DLG2: variants seen among roughly 807,000 people sequenced by gnomAD.
The protein encoded by DLG2 is disks large homolog 2.
DLG2 carries 45 observed loss-of-function variants against 132.5 expected under a neutral mutation model. That is an observed-to-expected ratio of 0.34 (90% CI 0.27 to 0.44). The LOEUF (loss-of-function observed/expected upper bound fraction) is 0.44, where lower values mean the gene tolerates loss of function less well. Ranked by LOEUF, DLG2 falls within the 20% of genes least tolerant of loss-of-function variation. DLG2 has a pLI of 1.00. For missense variants in DLG2, 1,045 were observed against 1,196.9 expected, an observed-to-expected ratio of 0.87 and a Z score of 1.87; for synonymous variants, 424 against 419.6, an observed-to-expected ratio of 1.01 and a Z score of -0.13.
intron 8 of DLG2, among the ~76,000 whole-genome samples, chr11:84,217,747 T>C (rs7926441): frequency 0.087 from 13,168 of 152,220 alleles, 1,809 homozygotes; most frequent in African/African-American, 0.3. Flanking sequence ...CATTGTGAGT[T>C]TTTAAGAGAG....
chr11:84,385,262 C>A (rs1430930436), intron 7 of DLG2, among the ~76,000 whole-genome samples: 5 of 151,998 alleles, frequency 3.3e-5, no homozygotes, highest in African/African-American at 1.2e-4. Context: ...ATCAAAGAGG[C>A]ATACTCTTGT....
Position 83,516,092 on chromosome 11 carries a change from G to A in DLG2, c.2193+16616C>T, listed in dbSNP as rs148626402. 2.7e-3 allele frequency among the ~76,000 whole-genome samples: 407 copies of A among 152,272 alleles called. 6 individuals carry two copies. Among genetic ancestry groups the A allele is most frequent in the African/African-American group, 9.2e-3 (383 of 41,532 alleles). ...TCCTGGATATCCTTGTTAATTTTCTGTCCCTTTGATCTGTCTAATGTTGTC... is the reference window on the plus strand; with the variant it reads ...TCCTGGATATCCTTGTTAATTTTCTATCCCTTTGATCTGTCTAATGTTGTC... On this transcript the variant is annotated intron_variant, in intron 21 of 27. Transcript: ENST00000376104.
At chr11:84,286,605 G>A (rs2097912363) in intron 7 of DLG2, among the ~76,000 whole-genome samples, 1 of 152,300 alleles carries the variant, frequency 6.6e-6, no homozygotes, top group Non-Finnish European at 1.5e-5. Flanking sequence ...GGTACTTTTA[G>A]CATGCTAATG....
intron 11 of DLG2, among the ~76,000 whole-genome samples, chr11:84,008,218 G>A (rs2094677644): frequency 6.6e-6 from 1 of 151,454 alleles, no homozygotes; most frequent in African/African-American, 2.4e-5. Flanking sequence ...TACAGATCTG[G>A]GTATAAAACC....
intron 6 of DLG2, among the ~76,000 whole-genome samples, chr11:84,620,540 G>C (rs2099612025): frequency 6.6e-6 from 1 of 151,860 alleles, no homozygotes; most frequent in African/African-American, 2.4e-5. Flanking sequence ...ATAAGAAAAA[G>C]ATAATACAAT....
chr11:85,553,090 CA>C (rs2076756602), intron 3 of DLG2, among the ~76,000 whole-genome samples: 1 of 149,758 alleles, frequency 6.7e-6, no homozygotes, highest in South Asian at 2.1e-4. Flanking sequence ...CATTTATTCA[CA>C]AATATTTATT....
intron 3 of DLG2, among the ~76,000 whole-genome samples, chr11:85,473,579 A>G (rs912733847): frequency 3.9e-5 from 6 of 152,194 alleles, no homozygotes; most frequent in African/African-American, 1.4e-4. Flanking sequence ...TTGACTATAA[A>G]TGTAAATTTT....
rs1279366525 is a variant in DLG2 at position 84,860,962 on chromosome 11, T to C, written c.357+250699A>G. On this transcript the variant is annotated intron_variant, in intron 6 of 27. Transcript: ENST00000376104. ...TGCACTTATTTTTTTATCCAGTAAATATTTACTGAACATCTACTATGTGTT... is the reference window on the plus strand; with the variant it reads ...TGCACTTATTTTTTTATCCAGTAAACATTTACTGAACATCTACTATGTGTT... Among the ~76,000 whole-genome samples the C allele has an allele frequency of 2.0e-5, 3 of 151,934 alleles. No individual in the cohort carries two copies. In the East Asian group the frequency reaches 5.8e-4, roughly 29 times the overall value.
At chr11:83,764,303 C>T (rs532238395) in intron 18 of DLG2, among the ~76,000 whole-genome samples, 2 of 152,196 alleles carry the variant, frequency 1.3e-5, no homozygotes, top group South Asian at 4.2e-4. Flanking sequence ...CCTACCACTC[C>T]CAGCTTTTGG....
chr11:84,757,609 G>A (rs775697954), intron 6 of DLG2, among the ~76,000 whole-genome samples: 2 of 152,188 alleles, frequency 1.3e-5, no homozygotes, highest in Non-Finnish European at 2.9e-5. Flanking sequence ...CAAAGATAAT[G>A]AAGATGAGGA....
chr11:85,036,241 C>T (rs1429614275), intron 6 of DLG2, among the ~76,000 whole-genome samples: 1 of 152,204 alleles, frequency 6.6e-6, no homozygotes, highest in African/African-American at 2.4e-5. Flanking sequence ...GATTATACCA[C>T]TTAAAATTAC....
chr11:83,849,347 T>C (rs1475005135), intron 16 of DLG2, among the ~76,000 whole-genome samples: 1 of 149,168 alleles, frequency 6.7e-6, no homozygotes, highest in Non-Finnish European at 1.5e-5. Flanking sequence ...AATAAACAAA[T>C]AAAAAATTGC....
intron 26 of DLG2, among the ~76,000 whole-genome samples, chr11:83,464,066 C>G (rs2090557428): frequency 6.6e-6 from 1 of 152,030 alleles, no homozygotes; most frequent in African/African-American, 2.4e-5. Flanking sequence ...AAATGGGGAG[C>G]TAGATAAACA....
At chr11:84,356,155 G>C (rs1184083054) in intron 7 of DLG2, among the ~76,000 whole-genome samples, 1 of 152,052 alleles carries the variant, frequency 6.6e-6, no homozygotes, top group African/African-American at 2.4e-5. Context: ...GTTTGTTTTT[G>C]GTTTTGGTGG....
chr11:83,863,309 G>A (rs2037194), intron 16 of DLG2, among the ~76,000 whole-genome samples: 143,746 of 152,192 alleles, frequency 0.94, 68,038 homozygotes, highest in Non-Finnish European at 0.97. Context: ...GAAGAAATCA[G>A]TTTTGGGGGG....
chr11:83,529,778 G>A (rs762828007), intron 21 of DLG2, among the ~76,000 whole-genome samples: 31 of 152,080 alleles, frequency 2.0e-4, no homozygotes, highest in Non-Finnish European at 4.4e-4. Flanking sequence ...CCAGGTTACT[G>A]ACCCTCCTGA....
intron 10 of DLG2, among the ~76,000 whole-genome samples, chr11:84,079,758 C>A (rs552042488): frequency 3.3e-5 from 5 of 152,204 alleles, no homozygotes; most frequent in African/African-American, 1.2e-4. Context: ...CTATAGCACC[C>A]AAGGCTCTCT....
intron 6 of DLG2, among the ~76,000 whole-genome samples, chr11:84,979,047 A>G (rs191761459): frequency 9.1e-4 from 138 of 152,340 alleles, no homozygotes; most frequent in African/African-American, 3.3e-3. Flanking sequence ...CAGCCAACAG[A>G]CACATGAAAA....
chr11:84,335,830 T>C (rs577347282), intron 7 of DLG2, among the ~76,000 whole-genome samples: 1 of 152,314 alleles, frequency 6.6e-6, no homozygotes, highest in African/African-American at 2.4e-5. Context: ...CTTGGCACCA[T>C]GCCTATCTAG....
Sources: gnomAD v4.1 joint callset for allele counts (sites outside exome capture counted in the v4.1 genomes callset) on GRCh38, gnomAD v4.1.1 for gene constraint, MANE v1.5 for transcripts, NCBI Gene and HGNC (gene_info 2026-07-23, HGNC 2026-07-21) for gene names.